Variants in RUSC2 observed in about 807,000 individuals in gnomAD.
RUSC2 encodes the protein RUN and SH3 domain containing 2.
Under a neutral mutation model 122.2 loss-of-function variants are expected in RUSC2, and 34 were observed. The observed-to-expected ratio is 0.28, with a 90% confidence interval of 0.21 to 0.37. The LOEUF (loss-of-function observed/expected upper bound fraction) is 0.37, where lower values mean the gene tolerates loss of function less well. Among genes scored for constraint, RUSC2 ranks in the 10% least tolerant of loss-of-function variants. RUSC2 has a pLI of 1.00. For missense variants in RUSC2, 1,747 were observed against 1,952.4 expected, an observed-to-expected ratio of 0.89 and a Z score of 1.98; for synonymous variants, 784 against 790.0, an observed-to-expected ratio of 0.99 and a Z score of 0.13.
chr9:35,527,699 A>G (rs1821348524), intron 1 of RUSC2, among the ~76,000 whole-genome samples: 1 of 152,162 alleles, frequency 6.6e-6, no homozygotes. Flanking sequence ...TGCTCATGGC[A>G]TCTTTGTGAT....
chr9:35,492,667 A>G (rs1820590008), intron 1 of RUSC2, among the ~76,000 whole-genome samples: 1 of 126,236 alleles, frequency 7.9e-6, no homozygotes, highest in Admixed American at 8.2e-5. Flanking sequence ...TTTACTCTTT[A>G]TGGTGGTAAT....
At chr9:35,494,733 A>G (rs1392781677) in intron 1 of RUSC2, among the ~76,000 whole-genome samples, 1 of 151,150 alleles carries the variant, frequency 6.6e-6, no homozygotes, top group African/African-American at 2.4e-5. Flanking sequence ...CTCCTATTCC[A>G]TGGATTGCCT....
intron 1 of RUSC2, among the ~76,000 whole-genome samples, chr9:35,492,922 G>A (rs2132481468): frequency 6.6e-6 from 1 of 152,040 alleles, no homozygotes; most frequent in Admixed American, 6.5e-5. Context: ...GTGGAATCAT[G>A]CACTATTTGT....
intron 1 of RUSC2, among the ~76,000 whole-genome samples, chr9:35,518,401 G>C (rs560762040): frequency 6.6e-6 from 1 of 152,262 alleles, no homozygotes; most frequent in African/African-American, 2.4e-5. Context: ...TGTGCTCCTG[G>C]CTCCAGAGTA....
chr9:35,546,844 G>A lies in RUSC2; in HGVS notation c.323G>A (p.Gly108Asp), dbSNP rs1439805132. ...CACAACCCCTTCTTGCTGCAGGAGGGTGTGGGTGAGCCAGGACTTGGTGAC... is the reference window on the plus strand; with the variant it reads ...CACAACCCCTTCTTGCTGCAGGAGGATGTGGGTGAGCCAGGACTTGGTGAC... ...KRHNPFLLQE[G>D]VGEPGLGDLY... Residue 108 changes from glycine to aspartate, a missense_variant, in exon 2 of 12, where the codon GGT becomes GAT. Transcript: ENST00000361226. This position sits in a 1 kb window ranked among gnomAD's most constrained non-coding sequence, Gnocchi z 4.3. 5.0e-6 allele frequency: 8 copies of A among 1,610,574 alleles called. No individual in the cohort carries two copies. In the South Asian group the frequency reaches 8.9e-5, roughly 18 times the overall value.
chr9:35,553,905 G>T (rs1214086910), intron 2 of RUSC2, among the ~76,000 whole-genome samples: 2 of 152,236 alleles, frequency 1.3e-5, no homozygotes, highest in African/African-American at 4.8e-5. Flanking sequence ...AATTTCACAT[G>T]TAGTACAATG....
Position 35,501,987 on chromosome 9 carries a change from A to T in RUSC2, c.-93+11815A>T, listed in dbSNP as rs547223866. On this transcript the variant is annotated intron_variant, in intron 1 of 11. Coordinates refer to ENST00000361226, the MANE Select transcript of RUSC2 (RefSeq NM_014806.5). ...TAATGTTTATACTTCTAAAAAATAT[A>T]CACTGAACATTGAGGGCTCTGCACC... Among the ~76,000 whole-genome samples the T allele has an allele frequency of 1.8e-4, 28 of 152,330 alleles. No individual in the cohort carries two copies. In the South Asian group the frequency reaches 5.8e-3, roughly 32 times the overall value.
intron 2 of RUSC2, among the ~76,000 whole-genome samples, chr9:35,551,399 CAT>C (rs1418340612): frequency 6.6e-6 from 1 of 151,242 alleles, no homozygotes; most frequent in Non-Finnish European, 1.5e-5. Flanking sequence ...ATGTTCCTAA[CAT>C]ACACTGAAGA....
chr9:35,533,438 C>G (rs1192210095), intron 1 of RUSC2, among the ~76,000 whole-genome samples: 3 of 152,170 alleles, frequency 2.0e-5, no homozygotes, highest in Non-Finnish European at 4.4e-5. Flanking sequence ...CAAGCTCCTA[C>G]AGCAACTGCC....
chr9:35,491,559 C>A (rs1820568371), intron 1 of RUSC2, among the ~76,000 whole-genome samples: 1 of 152,162 alleles, frequency 6.6e-6, no homozygotes, highest in Non-Finnish European at 1.5e-5. Flanking sequence ...GCCACAGTTG[C>A]CTTAACTGGA....
chr9:35,557,862 A>C lies in RUSC2; in HGVS notation c.2984-52A>C. The C allele has an allele frequency of 6.6e-7, 1 of 1,512,570 alleles. No homozygotes were observed. Among genetic ancestry groups the C allele is most frequent in the Non-Finnish European group, 9.2e-7 (1 of 1,087,316 alleles). 93.7% of individuals were successfully genotyped at this position (1,512,570 alleles called of 1,614,324 possible). A position where few individuals can be genotyped will look rare whatever the true frequency, so the allele number is the denominator to read the frequency against. ...AAACCTGAGGTTTCAGCCCCAGCTG[A>C]GTTGGTTAAGGACTTGCTCAGGGAC... On this transcript the variant is annotated intron_variant, in intron 5 of 11. Coordinates refer to ENST00000361226, the MANE Select transcript of RUSC2 (RefSeq NM_014806.5). The surrounding 1 kb of genome is among the most constrained non-coding windows in gnomAD (Gnocchi z 4.6).
At chr9:35,533,012 T>A (rs1262109437) in intron 1 of RUSC2, among the ~76,000 whole-genome samples, 1 of 150,972 alleles carries the variant, frequency 6.6e-6, no homozygotes, top group African/African-American at 2.4e-5. Flanking sequence ...TTGGGAGGCC[T>A]AGGCGAGCAG....
At chr9:35,499,243 T>C (rs1014468194) in intron 1 of RUSC2, among the ~76,000 whole-genome samples, 9 of 152,144 alleles carry the variant, frequency 5.9e-5, no homozygotes, top group Admixed American at 3.9e-4. Context: ...GTTGAGATTG[T>C]GTCACTGTGC....
At chr9:35,498,346 C>T (rs892977952) in intron 1 of RUSC2, among the ~76,000 whole-genome samples, 1 of 151,818 alleles carries the variant, frequency 6.6e-6, no homozygotes, top group African/African-American at 2.4e-5. Flanking sequence ...TGAGACCAGC[C>T]CGGCCAAAAT....
intron 1 of RUSC2, among the ~76,000 whole-genome samples, chr9:35,492,494 A>T (rs1263054155): frequency 6.6e-6 from 1 of 151,866 alleles, no homozygotes; most frequent in Admixed American, 6.6e-5. Context: ...CCATTCAGAC[A>T]TTGGCATTTA....
chr9:35,554,974 C>T, intron 2 of RUSC2, 86 bp from the exon 3 acceptor site: 6 of 1,512,102 alleles, frequency 4.0e-6, no homozygotes, highest in Non-Finnish European at 5.4e-6. Flanking sequence ...CTGCCCCTCT[C>T]CCCTCTCCCA....
intron 2 of RUSC2, among the ~76,000 whole-genome samples, chr9:35,554,075 C>T (rs572196754): frequency 7.2e-5 from 11 of 152,208 alleles, no homozygotes; most frequent in Non-Finnish European, 1.6e-4. Context: ...CCTCGCAGAG[C>T]TACTGAGCCC....
intron 1 of RUSC2, among the ~76,000 whole-genome samples, chr9:35,494,550 C>T (rs10814244): frequency 0.18 from 27,105 of 151,960 alleles, 2,589 homozygotes; most frequent in Admixed American, 0.26. Flanking sequence ...GAAAAGATAT[C>T]GAGCATTTTT....
intron 1 of RUSC2, among the ~76,000 whole-genome samples, chr9:35,495,278 T>A (rs1212714661): frequency 1.5e-5 from 2 of 129,514 alleles, no homozygotes; most frequent in African/African-American, 5.8e-5. Context: ...TTATATATTA[T>A]ATATATTATA....
Sources: gnomAD v4.1 joint callset for allele counts (sites outside exome capture counted in the v4.1 genomes callset) on GRCh38, gnomAD v4.1.1 for gene constraint, Gnocchi (gnomAD v3.1) non-coding constraint, MANE v1.5 for transcripts, NCBI Gene and HGNC (gene_info 2026-07-23, HGNC 2026-07-21) for gene names.